The following TRPM7 variants were observed in gnomAD, a reference collection of about 807,000 sequenced individuals.
TRPM7 encodes LTRPC ion channel family member 7.
TRPM7 carries 134 observed loss-of-function variants against 229.7 expected under a neutral mutation model. The ratio of observed to expected loss-of-function variants is 0.58; its 90% CI spans 0.51 to 0.67. TRPM7 has a LOEUF of 0.67. Among genes scored for constraint, TRPM7 ranks in the 30% least tolerant of loss-of-function variants. The pLI, the probability that TRPM7 is intolerant of heterozygous loss-of-function variation, is 0.00. For missense variants in TRPM7, 1,901 were observed against 2,210.0 expected, an observed-to-expected ratio of 0.86 and a Z score of 2.80; for synonymous variants, 699 against 715.2, an observed-to-expected ratio of 0.98 and a Z score of 0.36.
At chr15:50,661,523 T>C (rs2061724197) in intron 2 of TRPM7, among the ~76,000 whole-genome samples, 1 of 152,218 alleles carries the variant, frequency 6.6e-6, no homozygotes, top group Non-Finnish European at 1.5e-5. Context: ...GTGTTTGTTG[T>C]GAGAGATCCG....
chr15:50,674,983 C>T (rs1237422435), intron 1 of TRPM7, among the ~76,000 whole-genome samples: 1 of 152,118 alleles, frequency 6.6e-6, no homozygotes, highest in African/African-American at 2.4e-5. Context: ...TGTGTCACTC[C>T]CATACTCACA....
chr15:50,577,127 G>A (rs551163179), intron 31 of TRPM7, among the ~76,000 whole-genome samples: 45 of 151,448 alleles, frequency 3.0e-4, no homozygotes, highest in African/African-American at 9.9e-4. Flanking sequence ...GAGGGGGCGG[G>A]AGGCGTGGAA....
At chr15:50,650,982 A>G (rs1392745736) in intron 3 of TRPM7, among the ~76,000 whole-genome samples, 2 of 152,136 alleles carry the variant, frequency 1.3e-5, no homozygotes, top group Admixed American at 6.5e-5. Context: ...TGAGCCCAGG[A>G]GTTTAGACCA....
At chr15:50,646,782 G>T (rs533248285) in intron 4 of TRPM7, among the ~76,000 whole-genome samples, 1 of 152,114 alleles carries the variant, frequency 6.6e-6, no homozygotes, top group Non-Finnish European at 1.5e-5. Context: ...GATTAATGAT[G>T]AACTGCATAC....
rs925406251 is a variant in TRPM7 at position 50,557,820 on chromosome 15, T to G, written c.*3858A>C. The G allele has an allele frequency of 5.9e-5, 9 of 152,254 alleles. No homozygotes were observed. The highest frequency in any genetic ancestry group is 5.9e-4 in the Admixed American group (9 of 15,282). The allele number at this position is 152,254 out of a possible 1,614,324, so 9.4% of individuals were successfully genotyped here. Reference sequence around the variant, plus strand: ...CACCACACCCAGATAATTTTTGTATTTTTAGTAGAGACGGGGTTTCACCAT... The same window carrying G: ...CACCACACCCAGATAATTTTTGTATGTTTAGTAGAGACGGGGTTTCACCAT... On this transcript the variant is annotated 3_prime_UTR_variant, in exon 39 of 39. Coordinates refer to ENST00000646667, the MANE Select transcript of TRPM7 (RefSeq NM_017672.6).
chr15:50,658,852 A>G (rs1275405818), intron 2 of TRPM7, among the ~76,000 whole-genome samples: 1 of 152,202 alleles, frequency 6.6e-6, no homozygotes, highest in Non-Finnish European at 1.5e-5. Flanking sequence ...TCAATAAGAG[A>G]TTACTAAAAC....
At chr15:50,593,480 C>A (rs1281109054) in intron 25 of TRPM7, 137 bp downstream of exon 25, 2 of 926,826 alleles carry the variant, frequency 2.2e-6, no homozygotes, top group Admixed American at 5.6e-5. Context: ...ACTGAACGAT[C>A]TTTCCAATAC....
intron 38 of TRPM7, among the ~76,000 whole-genome samples, chr15:50,562,915 T>C (rs569934919): frequency 1.7e-4 from 26 of 152,262 alleles, no homozygotes; most frequent in African/African-American, 6.3e-4. Flanking sequence ...ACCTTAATAT[T>C]GAGAAGTGAA....
intron 38 of TRPM7, among the ~76,000 whole-genome samples, chr15:50,568,824 A>C (rs373158098): frequency 6.6e-6 from 1 of 151,834 alleles, no homozygotes; most frequent in South Asian, 2.1e-4. Context: ...AAAAAAAACC[A>C]AAACAACAAT....
At chr15:50,573,217 C>G (rs956035249) in intron 36 of TRPM7, among the ~76,000 whole-genome samples, 4 of 152,186 alleles carry the variant, frequency 2.6e-5, no homozygotes, top group African/African-American at 9.7e-5. Flanking sequence ...TGTGGGCTAC[C>G]CTTGTAAGTT....
chr15:50,658,571 C>CA (rs774950805), intron 2 of TRPM7, among the ~76,000 whole-genome samples: 10,586 of 101,598 alleles, frequency 0.1, 572 homozygotes, highest in African/African-American at 0.2. Flanking sequence ...GAAACTGTCT[C>CA]AAAAAAAAAA....
chr15:50,606,185 C>G (rs749466108), intron 20 of TRPM7, among the ~76,000 whole-genome samples: 6 of 152,094 alleles, frequency 3.9e-5, no homozygotes, highest in Non-Finnish European at 8.8e-5. Context: ...TCAAGACCAG[C>G]CTCACCAACA....
chr15:50,630,512 G>A (rs2060700146), intron 10 of TRPM7, among the ~76,000 whole-genome samples: 1 of 150,762 alleles, frequency 6.6e-6, no homozygotes, highest in South Asian at 2.1e-4. Flanking sequence ...GACAATAAGA[G>A]GATCAGTGTG....
intron 3 of TRPM7, among the ~76,000 whole-genome samples, chr15:50,649,196 T>C (rs1433995535): frequency 6.6e-6 from 1 of 151,996 alleles, no homozygotes; most frequent in Non-Finnish European, 1.5e-5. Context: ...CCCAACACTG[T>C]GGGAGGCCAT....
intron 3 of TRPM7, among the ~76,000 whole-genome samples, chr15:50,656,746 T>A (rs936544810): frequency 2.0e-5 from 3 of 152,144 alleles, no homozygotes; most frequent in African/African-American, 7.2e-5. Flanking sequence ...CCAGAGACCT[T>A]CTCTTCTTCC....
At chr15:50,578,594 T>G in intron 31 of TRPM7, 45 bp downstream of exon 31, 1 of 1,583,492 alleles carries the variant, frequency 6.3e-7, no homozygotes, top group Non-Finnish European at 8.7e-7. Context: ...ACAGATCATG[T>G]AAGATTCTCA....
At chr15:50,637,210 T>G (rs1438065097) in intron 7 of TRPM7, among the ~76,000 whole-genome samples, 1 of 152,186 alleles carries the variant, frequency 6.6e-6, no homozygotes, top group African/African-American at 2.4e-5. Context: ...AATGAACCTT[T>G]TTTGGTTTTA....
In TRPM7 at chr15:50,612,607, C is replaced by CATATCGTTCA; in HGVS notation, c.1992_1993insTGAACGATAT (p.Glu665Ter). 5 of 1,614,126 alleles carry CATATCGTTCA rather than the reference C, an allele frequency of 3.1e-6. No individual in the cohort carries two copies. The highest frequency in any genetic ancestry group is 4.2e-6 in the Non-Finnish European group (5 of 1,180,006). On this transcript the variant is annotated stop_gained and frameshift_variant, in exon 16 of 39. Transcript: ENST00000646667. LOFTEE classifies it high-confidence loss of function. ...TCTACCAGGTCACTCTGCTTTGCTTCATATGCCATTGAACGATAGATCTTA... is the reference window on the plus strand; with the variant it reads ...TCTACCAGGTCACTCTGCTTTGCTTCATATCGTTCAATATGCCATTGAACGATAGATCTTA...
chr15:50,620,792 T>C (rs1167677044), intron 12 of TRPM7, among the ~76,000 whole-genome samples: 1 of 150,248 alleles, frequency 6.7e-6, no homozygotes, highest in Non-Finnish European at 1.5e-5. Flanking sequence ...ATTAGCCGGG[T>C]GTGGTGGCAC....
Sources: allele counts gnomAD v4.1 joint callset (sites outside exome capture counted in the v4.1 genomes callset), GRCh38; gene constraint gnomAD v4.1.1; transcripts MANE v1.5; gene names NCBI Gene and HGNC (gene_info 2026-07-23, HGNC 2026-07-21).